NRXN1: variants seen among roughly 807,000 people sequenced by gnomAD.
NRXN1 encodes the protein neurexin 1.
Under a neutral mutation model 150.9 loss-of-function variants are expected in NRXN1, and 39 were observed. That is an observed-to-expected ratio of 0.26 (90% CI 0.20 to 0.34). The LOEUF (loss-of-function observed/expected upper bound fraction) is 0.34. Ranked by LOEUF, NRXN1 falls within the 10% of genes least tolerant of loss-of-function variation. The pLI is 1.00. For synonymous variants in NRXN1, 924 were observed against 757.0 expected (o/e 1.22, Z -3.62); for missense variants, 1,815 against 1,949.9 (o/e 0.93, Z 1.30).
intron 1 of NRXN1, among the ~76,000 whole-genome samples, chr2:51,030,640 T>C (rs1671378681): frequency 6.6e-6 from 1 of 152,110 alleles, no homozygotes; most frequent in South Asian, 2.1e-4. Context: ...TGCTTATTTA[T>C]TATGGCTGAT....
chr2:50,352,899 G>A (rs1004525641), intron 17 of NRXN1, among the ~76,000 whole-genome samples: 8 of 151,710 alleles, frequency 5.3e-5, no homozygotes, highest in Admixed American at 3.9e-4. Flanking sequence ...GTTTATTTAT[G>A]AAGTGTTTAT....
At chr2:50,173,629 C>A (rs2602004) in intron 18 of NRXN1, among the ~76,000 whole-genome samples, 1 of 151,958 alleles carries the variant, frequency 6.6e-6, no homozygotes, top group African/African-American at 2.4e-5. Context: ...CATCTACATG[C>A]ATAACGAGCC....
intron 17 of NRXN1, among the ~76,000 whole-genome samples, chr2:50,293,294 T>C (rs2073164545): frequency 6.6e-6 from 1 of 152,052 alleles, no homozygotes; most frequent in African/African-American, 2.4e-5. Context: ...CATGCCCATA[T>C]AGTTATATAC....
chr2:50,991,688 C>A (rs1698567731), intron 2 of NRXN1, among the ~76,000 whole-genome samples: 1 of 151,990 alleles, frequency 6.6e-6, no homozygotes, highest in Non-Finnish European at 1.5e-5. Flanking sequence ...AGAAAATAGT[C>A]TGACATCATG....
At chr2:50,458,593 T>A (rs529417039) in intron 17 of NRXN1, among the ~76,000 whole-genome samples, 2 of 152,098 alleles carry the variant, frequency 1.3e-5, no homozygotes, top group African/African-American at 4.8e-5. Flanking sequence ...TTTTTTTTTT[T>A]TTTGAGATGG....
At chr2:50,808,977 T>C (rs1193149819) in intron 5 of NRXN1, among the ~76,000 whole-genome samples, 1 of 152,098 alleles carries the variant, frequency 6.6e-6, no homozygotes, top group Non-Finnish European at 1.5e-5. Flanking sequence ...GAAAAAATCT[T>C]TCTAACAGAC....
chr2:49,948,530 A>G (rs1673356885), intron 21 of NRXN1, among the ~76,000 whole-genome samples: 1 of 152,092 alleles, frequency 6.6e-6, no homozygotes. Flanking sequence ...TCTTGAGAAT[A>G]AAAGACCTCA....
At chr2:50,132,551 C>T (rs1405332158) in intron 18 of NRXN1, among the ~76,000 whole-genome samples, 5 of 152,090 alleles carry the variant, frequency 3.3e-5, no homozygotes, top group South Asian at 4.2e-4. Flanking sequence ...GTGATCTTCC[C>T]GCCTCGGCCT....
At chr2:50,022,037 G>T (rs1172399740) in intron 21 of NRXN1, among the ~76,000 whole-genome samples, 2 of 152,048 alleles carry the variant, frequency 1.3e-5, no homozygotes, top group African/African-American at 4.8e-5. Flanking sequence ...TTTTAGTAGA[G>T]ACGAGATTTC....
chr2:50,416,617 T>A (rs543465851), intron 17 of NRXN1, among the ~76,000 whole-genome samples: 1 of 152,284 alleles, frequency 6.6e-6, no homozygotes, highest in Non-Finnish European at 1.5e-5. Flanking sequence ...TTTAATTGAC[T>A]CACAGATCTG....
chr2:50,780,287 C>G (rs1413737308), intron 5 of NRXN1, among the ~76,000 whole-genome samples: 1 of 152,074 alleles, frequency 6.6e-6, no homozygotes, highest in Admixed American at 6.6e-5. Flanking sequence ...TTTCTCCTTT[C>G]TATACAGATT....
At chr2:50,233,201 ACTTCATGTCTTAC>A (rs2065117236) in intron 18 of NRXN1, among the ~76,000 whole-genome samples, 1 of 152,050 alleles carries the variant, frequency 6.6e-6, no homozygotes, top group African/African-American at 2.4e-5. Context: ...ATTGCTCTTC[ACTTCATGTCTTAC>A]CTTCTCCTCA....
chr2:50,544,542 A>G (rs2093453969), intron 9 of NRXN1, among the ~76,000 whole-genome samples: 1 of 152,094 alleles, frequency 6.6e-6, no homozygotes, highest in Non-Finnish European at 1.5e-5. Context: ...GAACTTCAGG[A>G]ATTAAATCAA....
chr2:50,884,130 T>C (rs1452392888), intron 5 of NRXN1, among the ~76,000 whole-genome samples: 39 of 151,812 alleles, frequency 2.6e-4, no homozygotes, highest in African/African-American at 2.4e-5. Context: ...CCTTTTGAAC[T>C]AGTTTCTGCA....
chr2:50,639,940 C>A (rs1207420095), intron 5 of NRXN1, among the ~76,000 whole-genome samples: 5 of 152,002 alleles, frequency 3.3e-5, no homozygotes, highest in Non-Finnish European at 7.4e-5. Flanking sequence ...ATAGAATTCC[C>A]ACAATAGGAA....
intron 18 of NRXN1, among the ~76,000 whole-genome samples, chr2:50,157,410 A>G (rs1341477194): frequency 6.6e-6 from 1 of 152,100 alleles, no homozygotes; most frequent in Admixed American, 6.6e-5. Flanking sequence ...ATATGAAATT[A>G]TGTATGCAAT....
At chr2:50,281,491 CT>C (rs888870032) in intron 17 of NRXN1, among the ~76,000 whole-genome samples, 6 of 150,848 alleles carry the variant, frequency 4.0e-5, no homozygotes, top group African/African-American at 1.5e-4. Context: ...AGTCGCTTAA[CT>C]TTTTTTTTGT....
intron 11 of NRXN1, among the ~76,000 whole-genome samples, chr2:50,529,627 C>T (rs2105194478): frequency 6.6e-6 from 1 of 152,252 alleles, no homozygotes; most frequent in Non-Finnish European, 1.5e-5. Flanking sequence ...TGTCATGTGT[C>T]GTCAACCGCA....
chr2:50,074,231 T>C (rs1228365478), intron 19 of NRXN1, among the ~76,000 whole-genome samples: 2 of 152,150 alleles, frequency 1.3e-5, no homozygotes, highest in African/African-American at 4.8e-5. Context: ...AAAATTATAG[T>C]ATATTAGCAC....
Sources: gnomAD v4.1 joint callset for allele counts (sites outside exome capture counted in the v4.1 genomes callset) on GRCh38, gnomAD v4.1.1 for gene constraint, MANE v1.5 for transcripts, NCBI Gene and HGNC (gene_info 2026-07-23, HGNC 2026-07-21) for gene names.